IFT140: variants seen among roughly 807,000 people sequenced by gnomAD.
The protein encoded by IFT140 is intraflagellar transport protein 140 homolog.
A neutral mutation model predicts 164.6 loss-of-function variants in IFT140; 133 were observed. That is an observed-to-expected ratio of 0.81 (90% CI 0.70 to 0.93). IFT140 has a LOEUF of 0.93. Among genes scored for constraint, IFT140 ranks in the 40% least tolerant of loss-of-function variants. The pLI, the probability that IFT140 is intolerant of heterozygous loss-of-function variation, is 0.00. For missense variants in IFT140, 2,045 were observed against 1,972.3 expected (o/e 1.04, Z -0.70); for synonymous variants, 860 against 817.3 (o/e 1.05, Z -0.89).
intron 19 of IFT140, among the ~76,000 whole-genome samples, chr16:1,545,146 A>G (rs940239239): frequency 1.3e-5 from 2 of 152,254 alleles, no homozygotes; most frequent in Non-Finnish European, 2.9e-5. Context: ...GCTGTCTTAC[A>G]GCATTCCCGG....
At chr16:1,608,376 C>T (rs189738800) in intron 2 of IFT140, among the ~76,000 whole-genome samples, 12 of 152,268 alleles carry the variant, frequency 7.9e-5, no homozygotes, top group African/African-American at 2.4e-4. Context: ...TGCCTGTAAT[C>T]CTAGCAATTT....
intron 19 of IFT140, among the ~76,000 whole-genome samples, chr16:1,528,034 A>ATG (rs924397591): frequency 5.3e-5 from 8 of 152,150 alleles, no homozygotes; most frequent in African/African-American, 1.9e-4. Flanking sequence ...GTGTGTCCGC[A>ATG]TGTGTGTGGG....
intron 26 of IFT140, among the ~76,000 whole-genome samples, chr16:1,521,372 C>T (rs2040521850): frequency 6.6e-6 from 1 of 151,046 alleles, no homozygotes; most frequent in Non-Finnish European, 1.5e-5. Context: ...GCCTGATTTT[C>T]CTAACATTTT....
At chr16:1,550,033 G>A (rs1186084992) in intron 19 of IFT140, among the ~76,000 whole-genome samples, 1 of 151,984 alleles carries the variant, frequency 6.6e-6, no homozygotes, top group Non-Finnish European at 1.5e-5. Context: ...ACGGCTTACT[G>A]CAGACTCGAC....
intron 3 of IFT140, among the ~76,000 whole-genome samples, chr16:1,606,417 C>A (rs946233428): frequency 9.9e-5 from 15 of 152,222 alleles, no homozygotes; most frequent in African/African-American, 3.6e-4. Context: ...GCTTTTATAA[C>A]CCTGGGATTT....
intron 14 of IFT140, among the ~76,000 whole-genome samples, chr16:1,569,143 T>C (rs941749432): frequency 9.9e-5 from 15 of 151,916 alleles, no homozygotes; most frequent in African/African-American, 2.7e-4. Flanking sequence ...TAGCTGGGCC[T>C]ACAGGCGCCC....
intron 19 of IFT140, chr16:1,552,991 C>A: frequency 1.0e-6 from 1 of 985,314 alleles, no homozygotes; most frequent in African/African-American, 1.7e-5. Flanking sequence ...TATCCAGGAG[C>A]TACCCATGTA....
rs114067813 is a variant in IFT140 at position 1,523,168 on chromosome 16, A to C, written c.3453+350T>G. ...TGGGAAGTTGAGGCTGCAGTGAACCAAGATGGCACCACCACAGTCCAGCCT... is the reference window on the plus strand; with the variant it reads ...TGGGAAGTTGAGGCTGCAGTGAACCCAGATGGCACCACCACAGTCCAGCCT... On this transcript the variant is annotated intron_variant, in intron 26 of 30. Coordinates refer to ENST00000426508, the MANE Select transcript of IFT140 (RefSeq NM_014714.4). Among the ~76,000 whole-genome samples, 264 of 151,782 alleles carry C rather than the reference A, an allele frequency of 1.7e-3. 2 individuals carry two copies. Among genetic ancestry groups the C allele is most frequent in the African/African-American group, 5.9e-3 (243 of 41,350 alleles).
At chr16:1,606,243 C>T (rs961419092) in intron 3 of IFT140, among the ~76,000 whole-genome samples, 1 of 152,224 alleles carries the variant, frequency 6.6e-6, no homozygotes, top group Non-Finnish European at 1.5e-5. Context: ...CAGGAGGGCA[C>T]TGACAGAGGA....
Position 1,531,943 on chromosome 16 carries a change from GC to G in IFT140, c.2400-5148del, listed in dbSNP as rs2030540531. 2 of 152,266 alleles carry G rather than the reference GC, an allele frequency of 1.3e-5. No homozygotes were observed. Among genetic ancestry groups the G allele is most frequent in the Admixed American group, 1.3e-4 (2 of 15,292 alleles). The allele number at this position is 152,266 out of a possible 1,614,324, so 9.4% of individuals were successfully genotyped here. A position where few individuals can be genotyped will look rare whatever the true frequency, so the allele number is the denominator to read the frequency against. On this transcript the variant is annotated intron_variant, in intron 19 of 30. Transcript: ENST00000426508. The surrounding 1 kb of genome is among the most constrained non-coding windows in gnomAD (Gnocchi z 4.7). Reference sequence around the variant, plus strand: ...AGCATTGGCTTTTTGTTGGAAGTTAGCCATTTGAAGACTCCCGAAAGATTAA... The same window carrying G: ...AGCATTGGCTTTTTGTTGGAAGTTAGCATTTGAAGACTCCCGAAAGATTAA...
At chr16:1,593,741 C>T (rs2035310087) in intron 4 of IFT140, among the ~76,000 whole-genome samples, 1 of 152,114 alleles carries the variant, frequency 6.6e-6, no homozygotes, top group South Asian at 2.1e-4. Flanking sequence ...GGTGCCTTCT[C>T]TGCATGCTGC....
rs2033833845 is a variant in IFT140, at chr16:1,568,301, C to A, written c.1686G>T (p.Leu562=). The change falls in exon 15 of 31, where the codon CTG becomes CTT. Residue 562 remains leucine, a synonymous_variant. Coordinates refer to ENST00000426508, the MANE Select transcript of IFT140 (RefSeq NM_014714.4). ...EAKAHCSCRS[L]AELVPGVGGI... ...CCCCCACCCCAGGGACCAGCTCCGC[C>A]AGGCTCCTGCAGCTACAGTGTGCTT... is the stretch of plus-strand genomic sequence containing the variant. 6.2e-7 allele frequency: 1 copy of A among 1,613,828 alleles called. No homozygotes were observed. The highest frequency in any genetic ancestry group is 1.3e-5 in the African/African-American group (1 of 75,048).
intron 27 of IFT140, 27 bp downstream of exon 27, chr16:1,520,575 C>A (rs374452806): frequency 6.5e-7 from 1 of 1,543,778 alleles, no homozygotes; most frequent in South Asian, 1.2e-5. Flanking sequence ...GTGAGGTAGC[C>A]GCGGGCTGGG....
At chr16:1,526,559 G>A (rs2040703425) in intron 20 of IFT140, 60 bp downstream of exon 20, 2 of 1,422,930 alleles carry the variant, frequency 1.4e-6, no homozygotes, top group Admixed American at 2.7e-5. Context: ...CTTCCCCAGG[G>A]GGCCGTGGCT....
intron 20 of IFT140, 111 bp downstream of exon 20, chr16:1,526,508 C>A: frequency 8.6e-7 from 1 of 1,162,908 alleles, no homozygotes; most frequent in South Asian, 1.6e-5. Flanking sequence ...CTCGGCTCTG[C>A]CCACATCAGT....
chr16:1,541,474 G>GC, intron 19 of IFT140: 2 of 985,384 alleles, frequency 2.0e-6, no homozygotes, highest in Non-Finnish European at 2.4e-6. Flanking sequence ...TGAGGAGCTG[G>GC]CCCCCCGCGG....
At chr16:1,603,786 CTGTGT>C (rs2035913646) in intron 3 of IFT140, among the ~76,000 whole-genome samples, 1 of 152,138 alleles carries the variant, frequency 6.6e-6, no homozygotes, top group African/African-American at 2.4e-5. Flanking sequence ...CGGCCATGTG[CTGTGT>C]TTTCTAAAAT....
intron 19 of IFT140, among the ~76,000 whole-genome samples, chr16:1,536,131 G>A (rs895005133): frequency 6.6e-6 from 1 of 152,240 alleles, no homozygotes; most frequent in Non-Finnish European, 1.5e-5. Context: ...CTTGGCCGCA[G>A]CTCTGCACCT....
At chr16:1,588,680 T>G (rs1218165508) in intron 7 of IFT140, among the ~76,000 whole-genome samples, 2 of 151,964 alleles carry the variant, frequency 1.3e-5, no homozygotes, top group Non-Finnish European at 2.9e-5. Flanking sequence ...ATCATCCCTG[T>G]TTTGTAGAGA....
Sources: gnomAD v4.1 joint callset for allele counts (sites outside exome capture counted in the v4.1 genomes callset) on GRCh38, gnomAD v4.1.1 for gene constraint, Gnocchi (gnomAD v3.1) non-coding constraint, MANE v1.5 for transcripts, NCBI Gene and HGNC (gene_info 2026-07-23, HGNC 2026-07-21) for gene names.